Variants in MET observed in about 807,000 individuals in gnomAD.
MET encodes hepatocyte growth factor receptor.
Under a neutral mutation model 133.1 loss-of-function variants are expected in MET, and 48 were observed. The observed-to-expected ratio is 0.36, with a 90% CI of 0.29 to 0.46. The LOEUF is 0.46. Among genes scored for constraint, MET ranks in the 20% least tolerant of loss-of-function variants. The pLI is 1.00. For synonymous variants in MET, 628 were observed against 616.5 expected (o/e 1.02, Z -0.28); for missense variants, 1,442 against 1,695.9 (o/e 0.85, Z 2.63).
intron 11 of MET, among the ~76,000 whole-genome samples, chr7:116,767,057 C>T (rs1056968216): frequency 2.0e-5 from 3 of 152,188 alleles, no homozygotes; most frequent in Admixed American, 2.0e-4. Flanking sequence ...TTTCCTACTG[C>T]TGATCTCCCT....
intron 10 of MET, among the ~76,000 whole-genome samples, chr7:116,762,376 A>G (rs1794434060): frequency 6.6e-6 from 1 of 152,212 alleles, no homozygotes; most frequent in African/African-American, 2.4e-5. Flanking sequence ...AACTGTGGGT[A>G]ATCATAATAC....
In MET at chr7:116,741,321, G is replaced by A. The variant is rs143326665; in HGVS notation, c.1701+296G>A. Among the ~76,000 whole-genome samples the A allele has an allele frequency of 3.9e-3, 596 of 152,156 alleles. 5 individuals carry two copies. The highest frequency in any genetic ancestry group is 6.2e-3 in the Non-Finnish European group (420 of 68,004). On this transcript the variant is annotated intron_variant, in intron 5 of 20. Transcript: ENST00000397752. ...TGGGCAGCTGCTCACCTTTAGTGCCGTGTGAATAAAAGAGTGGTGGTGAAT... is the reference window on the plus strand; with the variant it reads ...TGGGCAGCTGCTCACCTTTAGTGCCATGTGAATAAAAGAGTGGTGGTGAAT...
chr7:116,723,253 CT>C (rs1792575808), intron 2 of MET, among the ~76,000 whole-genome samples: 1 of 146,386 alleles, frequency 6.8e-6, no homozygotes, highest in African/African-American at 2.5e-5. Flanking sequence ...TGCTGATACC[CT>C]TTCTTCCAGT....
chr7:116,763,253 T>C lies in MET; in HGVS notation c.2568T>C (p.Asn856=), dbSNP rs118057172. Residue 856 remains asparagine, a synonymous_variant, in exon 11 of 21, where the codon AAT becomes AAC. Coordinates refer to ENST00000397752, the MANE Select transcript of MET (RefSeq NM_000245.4). The part of the protein sequence containing the change: ...KPVMISMGNE[N]VLEIKGNDID... ...TGATGATCTCAATGGGCAATGAAAA[T>C]GTACTGGAAATTAAGGTAAGAAATG... 57 of 1,613,748 alleles carry C rather than the reference T, an allele frequency of 3.5e-5. No homozygotes were observed. The African/African-American group carries it at 5.5e-4, about 15-fold the overall frequency.
At chr7:116,673,088 A>T (rs1187910936) in intron 1 of MET, among the ~76,000 whole-genome samples, 1 of 152,114 alleles carries the variant, frequency 6.6e-6, no homozygotes, top group African/African-American at 2.4e-5. Flanking sequence ...ATCGTACCTT[A>T]TCTCTTTCTG....
At chr7:116,735,100 A>G (rs895751445) in intron 3 of MET, among the ~76,000 whole-genome samples, 4 of 152,148 alleles carry the variant, frequency 2.6e-5, no homozygotes, top group Admixed American at 1.3e-4. Flanking sequence ...CAGCTCCACA[A>G]ATACTCACTG....
chr7:116,774,529 C>A (rs1271782836), intron 14 of MET, among the ~76,000 whole-genome samples: 2 of 152,144 alleles, frequency 1.3e-5, no homozygotes, highest in Non-Finnish European at 2.9e-5. Flanking sequence ...TATATTTGAG[C>A]TGGATTTTTG....
At chr7:116,775,195 A>T (rs992798021) in intron 15 of MET, 84 bp downstream of exon 15, 1 of 1,274,234 alleles carries the variant, frequency 7.8e-7, no homozygotes, top group African/African-American at 1.5e-5. Context: ...AGGAACTTAG[A>T]CAATGGTGAA....
At chr7:116,773,289 A>G (rs1181093632) in intron 14 of MET, among the ~76,000 whole-genome samples, 1 of 152,168 alleles carries the variant, frequency 6.6e-6, no homozygotes, top group East Asian at 1.9e-4. Context: ...TCCTCTCTAC[A>G]TCTGGTGGGG....
In MET at chr7:116,796,875, TC is replaced by T. The variant is rs1795696333; in HGVS notation, c.*754del. ...CTCAAGAAATCCACCCACCTCAGCC[TC>T]CCAAAGTGCTAGGATTACAGGCATG... On this transcript the variant is annotated 3_prime_UTR_variant, in exon 21 of 21. Transcript: ENST00000397752. The T allele has an allele frequency of 5.7e-6, 1 of 176,608 alleles. No individual in the cohort carries two copies. The highest frequency in any genetic ancestry group is 1.2e-5 in the Non-Finnish European group (1 of 81,996). The allele number at this position is 176,608 out of a possible 1,614,324, so 10.9% of individuals were successfully genotyped here.
intron 1 of MET, among the ~76,000 whole-genome samples, chr7:116,685,962 C>T (rs1250638401): frequency 5.9e-5 from 9 of 151,936 alleles, no homozygotes; most frequent in African/African-American, 2.2e-4. Flanking sequence ...CACATCTCCC[C>T]ACTCTCCCCT....
chr7:116,710,304 G>A (rs1219492091), intron 2 of MET, among the ~76,000 whole-genome samples: 1 of 152,166 alleles, frequency 6.6e-6, no homozygotes, highest in Admixed American at 6.5e-5. Context: ...GTTTAACAAA[G>A]TAGGTAAAAC....
chr7:116,786,709 T>C (rs1344761436), intron 19 of MET, among the ~76,000 whole-genome samples: 5 of 152,198 alleles, frequency 3.3e-5, no homozygotes, highest in Non-Finnish European at 7.3e-5. Flanking sequence ...TGTCTGAAGA[T>C]AGAGAAACAT....
chr7:116,730,647 G>C (rs1283080503), intron 2 of MET, among the ~76,000 whole-genome samples: 1 of 152,262 alleles, frequency 6.6e-6, no homozygotes, highest in African/African-American at 2.4e-5. Flanking sequence ...AAATTGTTGG[G>C]AATTGGTGAT....
chr7:116,788,267 G>A (rs769240915), intron 19 of MET, among the ~76,000 whole-genome samples: 21 of 152,092 alleles, frequency 1.4e-4, no homozygotes, highest in Admixed American at 9.2e-4. Flanking sequence ...ATAGCTGCAC[G>A]TCTATATAAA....
intron 10 of MET, among the ~76,000 whole-genome samples, chr7:116,760,010 C>T (rs1794335672): frequency 6.6e-6 from 1 of 152,162 alleles, no homozygotes; most frequent in East Asian, 1.9e-4. Context: ...CTCTTGACCT[C>T]AAATGATCTG....
chr7:116,775,358 G>A (rs994747518), intron 15 of MET, among the ~76,000 whole-genome samples: 3 of 152,082 alleles, frequency 2.0e-5, no homozygotes, highest in Admixed American at 1.3e-4. Flanking sequence ...ATTCGTCCTC[G>A]TCCTGTGTGT....
chr7:116,687,621 C>T (rs1425691673), intron 1 of MET, among the ~76,000 whole-genome samples: 4 of 152,088 alleles, frequency 2.6e-5, no homozygotes, highest in African/African-American at 9.7e-5. Context: ...TCTACTTTGC[C>T]TAAATAAGAA....
chr7:116,703,662 A>G (rs574508877), intron 2 of MET, among the ~76,000 whole-genome samples: 6 of 152,228 alleles, frequency 3.9e-5, no homozygotes, highest in African/African-American at 1.4e-4. Flanking sequence ...TCTTTTACAT[A>G]TAAGGGATTG....
Sources: allele counts gnomAD v4.1 joint callset (sites outside exome capture counted in the v4.1 genomes callset), GRCh38; gene constraint gnomAD v4.1.1; transcripts MANE v1.5; gene names NCBI Gene and HGNC (gene_info 2026-07-23, HGNC 2026-07-21).